The following SYN3 variants were observed in gnomAD, a reference collection of about 807,000 sequenced individuals.
The protein encoded by SYN3 is synapsin III, also known as synapsin-3.
SYN3 carries 35 observed loss-of-function variants against 65.8 expected under a neutral mutation model. That is an observed-to-expected ratio of 0.53 (90% confidence interval 0.41 to 0.70). The LOEUF is 0.70. SYN3 is among the 30% of genes least tolerant of loss of function. The probability of loss-of-function intolerance (pLI) is 0.00; values close to 1 mark genes in which losing one functional copy is unlikely to be tolerated. For synonymous variants in SYN3, 270 were observed against 292.9 expected, an observed-to-expected ratio of 0.92 and a Z score of 0.80; for missense variants, 680 against 749.0, an observed-to-expected ratio of 0.91 and a Z score of 1.08.
At chr22:32,693,287 T>C (rs1051082061) in intron 6 of SYN3, among the ~76,000 whole-genome samples, 5 of 152,174 alleles carry the variant, frequency 3.3e-5, no homozygotes, top group Non-Finnish European at 7.4e-5. Context: ...TGATAACAGA[T>C]GGCTGCTAAG....
At chr22:32,553,268 T>G (rs556372174) in intron 7 of SYN3, among the ~76,000 whole-genome samples, 2 of 152,314 alleles carry the variant, frequency 1.3e-5, no homozygotes, top group South Asian at 4.1e-4. Context: ...TAAAGCATGA[T>G]TCAAAGAAAG....
chr22:33,014,459 C>T (rs1446893639), intron 1 of SYN3: 2 of 152,204 alleles, frequency 1.3e-5, no homozygotes, highest in African/African-American at 4.8e-5. Context: ...TGAGGAACCT[C>T]CATGCCGTTT....
intron 7 of SYN3, among the ~76,000 whole-genome samples, chr22:32,591,191 G>A (rs1033161846): frequency 4.0e-4 from 61 of 151,854 alleles, no homozygotes; most frequent in African/African-American, 1.5e-3. Context: ...CTTAGCCACC[G>A]TAATAACAAT....
At chr22:32,604,992 C>A (rs1237031927) in intron 6 of SYN3, among the ~76,000 whole-genome samples, 4 of 129,994 alleles carry the variant, frequency 3.1e-5, no homozygotes, top group African/African-American at 1.2e-4. Context: ...GGCGATAGAG[C>A]GAGACTCCAT....
chr22:33,045,022 T>C (rs563505078), intron 1 of SYN3, among the ~76,000 whole-genome samples: 3 of 152,120 alleles, frequency 2.0e-5, no homozygotes, highest in African/African-American at 7.2e-5. Context: ...TTTGTACTTT[T>C]AGTAGAGACA....
At chr22:32,702,815 T>G (rs1279023587) in intron 6 of SYN3, among the ~76,000 whole-genome samples, 2 of 152,214 alleles carry the variant, frequency 1.3e-5, no homozygotes, top group Non-Finnish European at 2.9e-5. Flanking sequence ...TTTTATAAAA[T>G]ATTCTTATTA....
rs1601833346 is a variant in SYN3, at chr22:32,980,709, A to T, written c.312-7T>A. The stretch of plus-strand genomic sequence containing the variant: ...CCCATGGAAATACTTCGACCTGTAA[A>T]GGGGAAGAAATCAGCTGAGTAAGGA... On this transcript the variant is annotated splice_polypyrimidine_tract_variant and splice_region_variant and intron_variant, in intron 2 of 13. Transcript: ENST00000358763. 6.2e-7 allele frequency: 1 copy of T among 1,613,810 alleles called. No individual in the cohort carries two copies. Among genetic ancestry groups the T allele is most frequent in the East Asian group, 2.2e-5 (1 of 44,864 alleles).
intron 5 of SYN3, among the ~76,000 whole-genome samples, chr22:32,865,952 G>A (rs559817867): frequency 6.6e-6 from 1 of 152,298 alleles, no homozygotes; most frequent in South Asian, 2.1e-4. Flanking sequence ...TGTGCATTGA[G>A]ACTAATGTAT....
chr22:32,519,038 A>C (rs2057829012), intron 12 of SYN3, among the ~76,000 whole-genome samples: 1 of 152,200 alleles, frequency 6.6e-6, no homozygotes, highest in African/African-American at 2.4e-5. Context: ...GAAGGCTGCC[A>C]TCTGCAGGCC....
intron 6 of SYN3, among the ~76,000 whole-genome samples, chr22:32,622,741 A>AG (rs2059612874): frequency 6.6e-6 from 1 of 151,914 alleles, no homozygotes; most frequent in African/African-American, 2.4e-5. Context: ...AAAAAAAAAA[A>AG]AAAAGTTTCT....
chr22:32,988,566 G>C (rs1188117528), intron 2 of SYN3, among the ~76,000 whole-genome samples: 1 of 151,896 alleles, frequency 6.6e-6, no homozygotes, highest in Admixed American at 6.6e-5. Context: ...TGGTCTCAGG[G>C]GGCTTACTAC....
chr22:32,854,777 G>C lies in SYN3; in HGVS notation c.711+10138C>G, dbSNP rs1474401115. 2.0e-5 allele frequency among the ~76,000 whole-genome samples: 3 copies of C among 152,298 alleles called. No individual in the cohort carries two copies. In the East Asian group the frequency reaches 5.8e-4, roughly 29 times the overall value. ...TTCCAGCACTTGGCTGCGTTACCGT[G>C]CTCAGTTGGCAAGCCTTGGGGGAGA... On this transcript the variant is annotated intron_variant, in intron 6 of 13. Transcript: ENST00000358763.
At chr22:32,607,652 G>T (rs2059390231) in intron 6 of SYN3, among the ~76,000 whole-genome samples, 1 of 152,140 alleles carries the variant, frequency 6.6e-6, no homozygotes, top group Non-Finnish European at 1.5e-5. Flanking sequence ...AAAATGAAAC[G>T]AAATCTGCCC....
In SYN3 at chr22:32,634,262, C is replaced by T. The variant is rs191267243; in HGVS notation, c.712-37526G>A. The stretch of plus-strand genomic sequence containing the variant: ...TGTGGCTACAAAGCTGATAAACAGC[C>T]GAGCCACTATTCAAACTCAGCAGGC... On this transcript the variant is annotated intron_variant, in intron 6 of 13. Transcript: ENST00000358763. Among the ~76,000 whole-genome samples the T allele has an allele frequency of 6.9e-3, 1,048 of 151,936 alleles. 11 individuals carry two copies. The highest frequency in any genetic ancestry group is 0.023 in the African/African-American group (935 of 41,490).
rs1044262645 is a variant in SYN3 at position 32,837,966 on chromosome 22, C to A, written c.711+26949G>T. 6.6e-6 allele frequency among the ~76,000 whole-genome samples: 1 copy of A among 152,202 alleles called. No homozygotes were observed. The highest frequency in any genetic ancestry group is 2.4e-5 in the African/African-American group (1 of 41,470). ...GTCCTCTCCTTTCTCTTTCTCTTAA[C>A]TGTCTCTAGTGATTCTCTGATCCCA... On this transcript the variant is annotated intron_variant, in intron 6 of 13. Transcript: ENST00000358763. This position sits in a 1 kb window ranked among gnomAD's most constrained non-coding sequence, Gnocchi z 4.1.
At chr22:32,740,818 C>T (rs1371432345) in intron 6 of SYN3, among the ~76,000 whole-genome samples, 1 of 152,078 alleles carries the variant, frequency 6.6e-6, no homozygotes, top group African/African-American at 2.4e-5. Flanking sequence ...TGGAGGCATT[C>T]GAGAAGAGAT....
At chr22:32,739,408 G>C (rs573000022) in intron 6 of SYN3, among the ~76,000 whole-genome samples, 1 of 151,186 alleles carries the variant, frequency 6.6e-6, no homozygotes, top group South Asian at 2.1e-4. Context: ...ACCCAGTCTC[G>C]GGTATGTCTT....
intron 6 of SYN3, among the ~76,000 whole-genome samples, chr22:32,799,682 G>A (rs1158396035): frequency 2.6e-5 from 4 of 152,282 alleles, no homozygotes; most frequent in Non-Finnish European, 2.9e-5. Flanking sequence ...GGGGATAAGC[G>A]AATCTCTCAA....
At chr22:32,674,659 A>G (rs933818756) in intron 6 of SYN3, among the ~76,000 whole-genome samples, 45 of 152,196 alleles carry the variant, frequency 3.0e-4, no homozygotes, top group Admixed American at 2.9e-3. Flanking sequence ...CCTTTTGATC[A>G]AAGGGTGTCT....
Sources: allele counts gnomAD v4.1 joint callset (sites outside exome capture counted in the v4.1 genomes callset), GRCh38; gene constraint gnomAD v4.1.1; non-coding constraint Gnocchi (gnomAD v3.1); transcripts MANE v1.5; gene names NCBI Gene and HGNC (gene_info 2026-07-23, HGNC 2026-07-21).